Variants in VAT1L observed in about 807,000 individuals in gnomAD.
VAT1L encodes the protein putative NADPH-dependent quinone oxidoreductase VAT1L.
A neutral mutation model predicts 44.1 loss-of-function variants in VAT1L; 34 were observed. That is an observed-to-expected ratio of 0.77 (90% CI 0.59 to 1.03). The LOEUF is 1.03. VAT1L is among the 50% of genes least tolerant of loss of function. The pLI, the probability that VAT1L is intolerant of heterozygous loss-of-function variation, is 0.00. For missense variants in VAT1L, 615 were observed against 538.8 expected, an observed-to-expected ratio of 1.14 and a Z score of -1.40; for synonymous variants, 253 against 202.2, an observed-to-expected ratio of 1.25 and a Z score of -2.13.
intron 2 of VAT1L, among the ~76,000 whole-genome samples, chr16:77,823,269 C>CA: frequency 6.6e-6 from 1 of 152,220 alleles, no homozygotes; most frequent in African/African-American, 2.4e-5. Context: ...ATATCTGAAA[C>CA]ATCGTCATCA....
intron 7 of VAT1L, among the ~76,000 whole-genome samples, chr16:77,923,115 C>A (rs866758129): frequency 6.6e-6 from 1 of 152,160 alleles, no homozygotes; most frequent in East Asian, 1.9e-4. Context: ...TGTGACCCCC[C>A]GAACCTCGGC....
intron 3 of VAT1L, among the ~76,000 whole-genome samples, chr16:77,843,883 G>A (rs2016732042): frequency 3.3e-5 from 5 of 152,220 alleles, no homozygotes. Context: ...GACCAGCAGA[G>A]AGACCAACCT....
chr16:77,951,121 G>A (rs780647253), intron 7 of VAT1L, among the ~76,000 whole-genome samples: 48 of 152,224 alleles, frequency 3.2e-4, no homozygotes, highest in African/African-American at 1.1e-3. Flanking sequence ...GGAAAGATAC[G>A]TTGGCTGCAC....
intron 1 of VAT1L, among the ~76,000 whole-genome samples, chr16:77,798,752 A>C (rs2015986466): frequency 6.6e-6 from 1 of 152,194 alleles, no homozygotes; most frequent in African/African-American, 2.4e-5. Flanking sequence ...ATATACAAGA[A>C]GATCAAGAGG....
chr16:77,876,376 T>C lies in VAT1L; in HGVS notation c.729T>C (p.Ser243=), dbSNP rs151287127. The change falls in exon 5 of 9, where the codon TCT becomes TCC. Residue 243 remains serine (S), a synonymous_variant. Coordinates refer to ENST00000302536, the MANE Select transcript of VAT1L (RefSeq NM_020927.3). The stretch of plus-strand genomic sequence containing the variant: ...TTGCCTTCTCACCATTTAGAATCTC[T>C]GCTGAAGGTGTGGACATCGTTTTGG... ...ADYVQEVKRI[S]AEGVDIVLDC... 1.7e-5 allele frequency: 27 copies of C among 1,614,068 alleles called. No individual in the cohort carries two copies. The African/African-American group carries it at 2.5e-4, about 15-fold the overall frequency.
intron 1 of VAT1L, among the ~76,000 whole-genome samples, chr16:77,799,268 TTCTC>T (rs1567466441): frequency 1.5e-5 from 2 of 135,526 alleles, no homozygotes; most frequent in Admixed American, 7.6e-5. Context: ...CCCCTCCTTC[TTCTC>T]TCTCCCTCTT....
intron 3 of VAT1L, among the ~76,000 whole-genome samples, chr16:77,857,960 G>C: frequency 6.6e-6 from 1 of 151,706 alleles, no homozygotes; most frequent in Non-Finnish European, 1.5e-5. Flanking sequence ...AACACTAAAG[G>C]ACATGAAGGC....
chr16:77,977,798 G>A lies in VAT1L; in HGVS notation c.*103G>A, dbSNP rs752155425. ...GTGAACAAATGCTGTAGTCCAGTGC[G>A]TGTCGTGTTTGTCTGCAGTCAGCTG... is the stretch of plus-strand genomic sequence containing the variant. On this transcript the variant is annotated 3_prime_UTR_variant, in exon 9 of 9. Coordinates refer to ENST00000302536, the MANE Select transcript of VAT1L (RefSeq NM_020927.3). 3.7e-5 allele frequency: 43 copies of A among 1,153,768 alleles called. No individual in the cohort carries two copies. The highest frequency in any genetic ancestry group is 2.9e-4 in the Middle Eastern group (1 of 3,458). The allele number at this position is 1,153,768 out of a possible 1,614,324, so 71.5% of individuals were successfully genotyped here. A position where few individuals can be genotyped will look rare whatever the true frequency, so the allele number is the denominator to read the frequency against.
At chr16:77,818,700 G>A (rs527619227) in intron 2 of VAT1L, among the ~76,000 whole-genome samples, 1 of 152,126 alleles carries the variant, frequency 6.6e-6, no homozygotes, top group African/African-American at 2.4e-5. Flanking sequence ...TTGCTAATTT[G>A]CCCTGGCTTG....
intron 7 of VAT1L, among the ~76,000 whole-genome samples, chr16:77,938,757 C>T (rs1316963075): frequency 6.6e-5 from 10 of 152,146 alleles, no homozygotes; most frequent in Non-Finnish European, 4.4e-5. Context: ...TTATAAATTA[C>T]CCAGTCTCAG....
chr16:77,931,783 C>T (rs941632819), intron 7 of VAT1L, among the ~76,000 whole-genome samples: 2 of 152,150 alleles, frequency 1.3e-5, no homozygotes, highest in African/African-American at 4.8e-5. Flanking sequence ...TTACTAAATG[C>T]TAGCACATGC....
In VAT1L at chr16:77,817,119, A is replaced by C; in HGVS notation, c.363+69A>C. Reference sequence around the variant, plus strand: ...CCATTGAGACAACAAAAGATGATGCAGAAAGAAATGTCTGAAATAACCTAT... The same window carrying C: ...CCATTGAGACAACAAAAGATGATGCCGAAAGAAATGTCTGAAATAACCTAT... On this transcript the variant is annotated intron_variant, in intron 2 of 8. Coordinates refer to ENST00000302536, the MANE Select transcript of VAT1L (RefSeq NM_020927.3). 4 of 1,565,224 alleles carry C rather than the reference A, an allele frequency of 2.6e-6. No homozygotes were observed. In the South Asian group the frequency reaches 4.8e-5, roughly 19 times the overall value.
chr16:77,883,205 C>A (rs2017173299), intron 6 of VAT1L, among the ~76,000 whole-genome samples: 2 of 152,168 alleles, frequency 1.3e-5, no homozygotes. Flanking sequence ...CCATCACATT[C>A]CTCTTTGCAT....
chr16:77,926,219 C>A (rs2017666535), intron 7 of VAT1L, among the ~76,000 whole-genome samples: 1 of 143,598 alleles, frequency 7.0e-6, no homozygotes, highest in South Asian at 2.2e-4. Context: ...CACCACTGCA[C>A]TCCAGTCTGG....
At chr16:77,819,496 C>T (rs762435294) in intron 2 of VAT1L, among the ~76,000 whole-genome samples, 2 of 152,268 alleles carry the variant, frequency 1.3e-5, no homozygotes, top group Non-Finnish European at 2.9e-5. Context: ...ATTCTCCTAC[C>T]TCAGCCTCCT....
chr16:77,966,502 G>A (rs952545426), intron 7 of VAT1L, among the ~76,000 whole-genome samples: 7 of 152,164 alleles, frequency 4.6e-5, no homozygotes, highest in Non-Finnish European at 7.3e-5. Flanking sequence ...TACATCGTAA[G>A]TGGTGGACGT....
At chr16:77,961,494 G>C (rs906897743) in intron 7 of VAT1L, among the ~76,000 whole-genome samples, 5 of 152,280 alleles carry the variant, frequency 3.3e-5, no homozygotes, top group Middle Eastern at 3.4e-3. Flanking sequence ...AGAAACCATT[G>C]TTCTCCAAGG....
At chr16:77,916,981 A>T (rs993439337) in intron 7 of VAT1L, among the ~76,000 whole-genome samples, 26 of 152,168 alleles carry the variant, frequency 1.7e-4, no homozygotes, top group Admixed American at 6.5e-5. Context: ...TTGACTTCTA[A>T]AAAAATCATC....
intron 6 of VAT1L, among the ~76,000 whole-genome samples, chr16:77,882,876 A>G (rs549875840): frequency 6.6e-6 from 1 of 152,358 alleles, no homozygotes; most frequent in East Asian, 1.9e-4. Flanking sequence ...TCCAAACCAC[A>G]TGCCTCACCA....
Sources: allele counts gnomAD v4.1 joint callset (sites outside exome capture counted in the v4.1 genomes callset), GRCh38; gene constraint gnomAD v4.1.1; transcripts MANE v1.5; gene names NCBI Gene and HGNC (gene_info 2026-07-23, HGNC 2026-07-21).